CNTLN: variants seen among roughly 807,000 people sequenced by gnomAD.
The protein encoded by CNTLN is centlein, also known as centlein, centrosomal protein.
In CNTLN, 212 loss-of-function variants were observed where a neutral mutation model predicts 180.0. The observed-to-expected ratio is 1.18, with a 90% CI of 1.05 to 1.32. The LOEUF is 1.32. CNTLN is among the 40% of genes most tolerant of loss of function. The pLI is 0.00. For missense variants in CNTLN, 2,095 were observed against 1,610.9 expected, an observed-to-expected ratio of 1.30 and a Z score of -5.14; for synonymous variants, 722 against 563.1, an observed-to-expected ratio of 1.28 and a Z score of -3.99.
At chr9:17,266,446 C>T (rs1404435685) in intron 5 of CNTLN, among the ~76,000 whole-genome samples, 2 of 152,032 alleles carry the variant, frequency 1.3e-5, no homozygotes, top group Non-Finnish European at 2.9e-5. Flanking sequence ...CTGAGGAGAG[C>T]TTTGCTTCCC....
intron 8 of CNTLN, among the ~76,000 whole-genome samples, chr9:17,312,364 TTA>T (rs1554685981): frequency 0.018 from 361 of 20,146 alleles, 3 homozygotes; most frequent in African/African-American, 0.036. Context: ...TATATATATA[TTA>T]TATATATATA....
At chr9:17,394,491 T>A (rs1277442519) in intron 14 of CNTLN, 43 bp from the exon 15 acceptor site, 2 of 1,282,880 alleles carry the variant, frequency 1.6e-6, no homozygotes, top group Non-Finnish European at 2.2e-6. Context: ...GTATAGTAGA[T>A]TATGGTTTTT....
At chr9:17,463,116 C>G (rs1831546667) in intron 20 of CNTLN, 103 bp downstream of exon 20, 1 of 640,130 alleles carries the variant, frequency 1.6e-6, no homozygotes, top group African/African-American at 1.9e-5. Flanking sequence ...GTTTTCCTTC[C>G]CTAGTTCATA....
At chr9:17,466,163 T>A in intron 22 of CNTLN, 45 bp downstream of exon 22, 1 of 1,519,966 alleles carries the variant, frequency 6.6e-7, no homozygotes, top group Non-Finnish European at 9.0e-7. Context: ...TGGAATATAA[T>A]CGTGTTTGTT....
At chr9:17,273,288 A>G (rs752876873) in intron 5 of CNTLN, among the ~76,000 whole-genome samples, 13 of 152,108 alleles carry the variant, frequency 8.5e-5, no homozygotes, top group Non-Finnish European at 1.6e-4. Flanking sequence ...ACTCTGAAAA[A>G]CTTTTTTGAT....
Position 17,466,864 on chromosome 9 carries a change from A to G in CNTLN, c.3828A>G (p.Lys1276=), listed in dbSNP as rs778304570. The G allele has an allele frequency of 9.3e-6, 15 of 1,609,722 alleles. No individual in the cohort carries two copies. The highest frequency in any genetic ancestry group is 1.3e-5 in the Non-Finnish European group (15 of 1,177,230). ...AQKTLLLANE[K]VEEFTTFVKA... The stretch of plus-strand genomic sequence containing the variant: ...AGACATTGCTGTTAGCCAATGAAAA[A>G]GTAGAAGAGTTCACCACATTTGTGA... Residue 1276 remains lysine (K), a synonymous_variant, in exon 23 of 26, where the codon AAA becomes AAG. Transcript: ENST00000380647.
At chr9:17,445,212 C>T (rs553763634) in intron 18 of CNTLN, among the ~76,000 whole-genome samples, 1 of 152,092 alleles carries the variant, frequency 6.6e-6, no homozygotes, top group East Asian at 1.9e-4. Flanking sequence ...AAATGATCAA[C>T]ATGATATGAA....
intron 15 of CNTLN, among the ~76,000 whole-genome samples, chr9:17,405,021 A>G (rs1415855698): frequency 6.6e-6 from 1 of 151,718 alleles, no homozygotes; most frequent in African/African-American, 2.4e-5. Flanking sequence ...TACAGATGTG[A>G]GCCACCGCGC....
At chr9:17,515,844 A>G in the CNTLN span, among the ~76,000 whole-genome samples, 1 of 152,214 alleles carries the variant, frequency 6.6e-6, no homozygotes, top group Non-Finnish European at 1.5e-5. Context: ...CATTTAAAAC[A>G]CATGAGACCA....
intron 8 of CNTLN, among the ~76,000 whole-genome samples, chr9:17,310,660 G>A (rs1006104804): frequency 8.5e-5 from 13 of 152,162 alleles, no homozygotes; most frequent in Non-Finnish European, 1.5e-4. Context: ...GTTTTTCAAA[G>A]TGGTTTTATC....
chr9:17,300,360 T>C (rs906743284), intron 7 of CNTLN: 13 of 152,186 alleles, frequency 8.5e-5, no homozygotes, highest in Non-Finnish European at 1.8e-4. Flanking sequence ...ACCTTGGATC[T>C]CTTCTGTATA....
chr9:17,265,331 G>C, intron 5 of CNTLN, among the ~76,000 whole-genome samples: 1 of 152,064 alleles, frequency 6.6e-6, no homozygotes, highest in African/African-American at 2.4e-5. Flanking sequence ...CTGTTTATAT[G>C]CTGGATTACA....
Position 17,315,622 on chromosome 9 carries a change from C to A in CNTLN, c.1341+6370C>A, listed in dbSNP as rs1319883076. Among the ~76,000 whole-genome samples the A allele has an allele frequency of 2.0e-5, 3 of 151,946 alleles. No individual in the cohort carries two copies. In the East Asian group the frequency reaches 5.8e-4, roughly 29 times the overall value. The stretch of plus-strand genomic sequence containing the variant: ...GATTCCAATTACACACATATTAGAC[C>A]TTTTCACTGTATTCCATATATATTT... On this transcript the variant is annotated intron_variant, in intron 8 of 25. Transcript: ENST00000380647.
At chr9:17,349,331 A>T (rs900201889) in intron 12 of CNTLN, among the ~76,000 whole-genome samples, 1 of 152,104 alleles carries the variant, frequency 6.6e-6, no homozygotes, top group African/African-American at 2.4e-5. Flanking sequence ...ATCTAGTTTC[A>T]TACTCAGTCT....
At chr9:17,260,483 G>A (rs1452778830) in intron 5 of CNTLN, among the ~76,000 whole-genome samples, 1 of 151,296 alleles carries the variant, frequency 6.6e-6, no homozygotes, top group African/African-American at 2.5e-5. Flanking sequence ...GTCTGTTTAT[G>A]TTCTTTGCCC....
intron 8 of CNTLN, among the ~76,000 whole-genome samples, chr9:17,314,888 T>G (rs1042885328): frequency 1.3e-5 from 2 of 152,234 alleles, no homozygotes; most frequent in Non-Finnish European, 1.5e-5. Context: ...TCTTTGACTT[T>G]TTAAAGACTA....
At chr9:17,406,561 T>C (rs1034975276) in intron 15 of CNTLN, among the ~76,000 whole-genome samples, 1 of 151,756 alleles carries the variant, frequency 6.6e-6, no homozygotes, top group Non-Finnish European at 1.5e-5. Flanking sequence ...CCTGCCACCA[T>C]TTTACCTCCC....
chr9:17,178,593 C>G (rs1000551945), intron 2 of CNTLN, among the ~76,000 whole-genome samples: 1 of 152,072 alleles, frequency 6.6e-6, no homozygotes, highest in African/African-American at 2.4e-5. Flanking sequence ...AGCTAAGGCC[C>G]GGTGAGAAAT....
chr9:17,351,325 T>G (rs1822342352), intron 12 of CNTLN, among the ~76,000 whole-genome samples: 1 of 152,252 alleles, frequency 6.6e-6, no homozygotes, highest in African/African-American at 2.4e-5. Flanking sequence ...TCTTGCCAGT[T>G]GACTTTCAGA....
Sources: allele counts gnomAD v4.1 joint callset (sites outside exome capture counted in the v4.1 genomes callset), GRCh38; gene constraint gnomAD v4.1.1; transcripts MANE v1.5; gene names NCBI Gene and HGNC (gene_info 2026-07-23, HGNC 2026-07-21).